MDGA1: variants seen among roughly 807,000 people sequenced by gnomAD.
MDGA1 encodes MAM domain-containing glycosylphosphatidylinositol anchor protein 1.
MDGA1 carries 54 observed loss-of-function variants against 101.5 expected under a neutral mutation model. The observed-to-expected ratio is 0.53, with a 90% CI of 0.43 to 0.67. The LOEUF (loss-of-function observed/expected upper bound fraction) is 0.67, where lower values mean the gene tolerates loss of function less well. MDGA1 is among the 30% of genes least tolerant of loss of function. The probability of loss-of-function intolerance (pLI) is 0.00; values close to 1 mark genes in which losing one functional copy is unlikely to be tolerated. For synonymous variants in MDGA1, 533 were observed against 558.3 expected (o/e 0.95, Z 0.64); for missense variants, 1,083 against 1,323.8 (o/e 0.82, Z 2.82).
chr6:37,658,094 A>C, intron 3 of MDGA1, 151 bp downstream of exon 3: 3 of 820,290 alleles, frequency 3.7e-6, no homozygotes, highest in Non-Finnish European at 3.6e-6. Context: ...AGAGGGTGGT[A>C]CACACCGCCT....
chr6:37,691,289 G>C (rs1238820226), intron 1 of MDGA1, among the ~76,000 whole-genome samples: 1 of 152,134 alleles, frequency 6.6e-6, no homozygotes, highest in Admixed American at 6.5e-5. Flanking sequence ...ATGTTGATCA[G>C]GTCACTAAAA....
In MDGA1 at chr6:37,638,783, G is replaced by A; in HGVS notation, c.2537-116C>T. ...CCTGCAGCCCTGTCCCTGTTGACAGGACCTCCTCCCCATGCCCAGCTGGGT... is the reference window on the plus strand; with the variant it reads ...CCTGCAGCCCTGTCCCTGTTGACAGAACCTCCTCCCCATGCCCAGCTGGGT... On this transcript the variant is annotated intron_variant, in intron 14 of 16. Coordinates refer to ENST00000434837, the MANE Select transcript of MDGA1 (RefSeq NM_153487.4). This position sits in a 1 kb window ranked among gnomAD's most constrained non-coding sequence, Gnocchi z 4.8. 2.2e-6 allele frequency: 3 copies of A among 1,392,466 alleles called. No individual in the cohort carries two copies. In the South Asian group the frequency reaches 4.2e-5, roughly 19 times the overall value. 86.3% of individuals were successfully genotyped at this position (1,392,466 alleles called of 1,614,324 possible).
At chr6:37,693,234 A>T (rs1442789907) in intron 1 of MDGA1, among the ~76,000 whole-genome samples, 2 of 151,932 alleles carry the variant, frequency 1.3e-5, no homozygotes, top group South Asian at 2.1e-4. Context: ...CCAGTGAAAA[A>T]CCTCAAGTGC....
chr6:37,678,344 G>A (rs968358430), intron 1 of MDGA1, among the ~76,000 whole-genome samples: 41 of 152,100 alleles, frequency 2.7e-4, no homozygotes, highest in African/African-American at 8.5e-4. Flanking sequence ...TGCCCCCTGC[G>A]ATGCCACCCT....
chr6:37,671,041 C>T (rs1299578730), intron 1 of MDGA1, among the ~76,000 whole-genome samples: 3 of 152,188 alleles, frequency 2.0e-5, no homozygotes, highest in Non-Finnish European at 4.4e-5. Flanking sequence ...ACCAAGTGTG[C>T]TTCCTTGCCT....
chr6:37,668,833 C>CTCTCTT (rs1378911833), intron 1 of MDGA1, among the ~76,000 whole-genome samples: 1 of 151,860 alleles, frequency 6.6e-6, no homozygotes, highest in Non-Finnish European at 1.5e-5. Flanking sequence ...CTAACTTTTT[C>CTCTCTT]TCTCTTTCTC....
chr6:37,654,547 A>G lies in MDGA1; in HGVS notation c.713-4T>C. 1.9e-6 allele frequency: 3 copies of G among 1,614,018 alleles called. No individual in the cohort carries two copies. The highest frequency in any genetic ancestry group is 2.5e-6 in the Non-Finnish European group (3 of 1,179,886). Reference sequence around the variant, plus strand: ...GACAGCTTCAGGGCTGGTGGTGCTAAGAGGACAAGGAGGGGGGTCTTAGGG... The same window carrying G: ...GACAGCTTCAGGGCTGGTGGTGCTAGGAGGACAAGGAGGGGGGTCTTAGGG... On this transcript the variant is annotated splice_polypyrimidine_tract_variant and splice_region_variant and intron_variant, in intron 5 of 16. Coordinates refer to ENST00000434837, the MANE Select transcript of MDGA1 (RefSeq NM_153487.4).
chr6:37,673,520 T>G lies in MDGA1; in HGVS notation c.68-9414A>C, dbSNP rs563997010. Reference sequence around the variant, plus strand: ...CTGGCCTGCTCCGCCTGGGCCTCCTTCTGCCAGGGATGATGTTCCAAGCCT... The same window carrying G: ...CTGGCCTGCTCCGCCTGGGCCTCCTGCTGCCAGGGATGATGTTCCAAGCCT... On this transcript the variant is annotated intron_variant, in intron 1 of 16. Coordinates refer to ENST00000434837, the MANE Select transcript of MDGA1 (RefSeq NM_153487.4). 9.8e-5 allele frequency among the ~76,000 whole-genome samples: 15 copies of G among 152,348 alleles called. No homozygotes were observed. In the South Asian group the frequency reaches 2.5e-3, roughly 25 times the overall value.
In MDGA1 at chr6:37,696,649, G is replaced by C. The variant is rs1306267452; in HGVS notation, c.67+96C>G. On this transcript the variant is annotated intron_variant, in intron 1 of 16. Coordinates refer to ENST00000434837, the MANE Select transcript of MDGA1 (RefSeq NM_153487.4). This position sits in a 1 kb window ranked among gnomAD's most constrained non-coding sequence, Gnocchi z 5.6. Reference sequence around the variant, plus strand: ...GGGCATCCACTCCAGAGTCCGAGTCGAGGTCTCCACCAAACCCCGGCAGCG... The same window carrying C: ...GGGCATCCACTCCAGAGTCCGAGTCCAGGTCTCCACCAAACCCCGGCAGCG... The C allele has an allele frequency of 2.5e-6, 3 of 1,209,996 alleles. No homozygotes were observed. The highest frequency in any genetic ancestry group is 3.6e-6 in the Non-Finnish European group (3 of 838,808). The allele number at this position is 1,209,996 out of a possible 1,614,324, so 75.0% of individuals were successfully genotyped here. A position where few individuals can be genotyped will look rare whatever the true frequency, so the allele number is the denominator to read the frequency against.
At chr6:37,651,874 TA>T in intron 7 of MDGA1, 136 bp downstream of exon 7, 1 of 720,008 alleles carries the variant, frequency 1.4e-6, no homozygotes, top group Non-Finnish European at 2.2e-6. Context: ...AGGGACTCAA[TA>T]AAAGCACGTG....
chr6:37,692,112 A>G (rs896507950), intron 1 of MDGA1, among the ~76,000 whole-genome samples: 3 of 152,170 alleles, frequency 2.0e-5, no homozygotes, highest in South Asian at 2.1e-4. Flanking sequence ...AGGAATGAGC[A>G]TAACTCATCC....
chr6:37,648,568 T>G, intron 9 of MDGA1: 1 of 219,530 alleles, frequency 4.6e-6, no homozygotes, highest in Non-Finnish European at 9.0e-6. Flanking sequence ...CTGGTTTGGG[T>G]GCTGGTAGAG....
chr6:37,679,605 G>A (rs1358080871), intron 1 of MDGA1, among the ~76,000 whole-genome samples: 1 of 152,142 alleles, frequency 6.6e-6, no homozygotes, highest in African/African-American at 2.4e-5. Flanking sequence ...AGCCTCCCAT[G>A]CCGCCTCCCT....
chr6:37,658,704 G>A (rs1295996710), intron 2 of MDGA1, among the ~76,000 whole-genome samples: 5 of 152,194 alleles, frequency 3.3e-5, no homozygotes, highest in African/African-American at 1.2e-4. Flanking sequence ...GGGCACGGTG[G>A]CTCACGCCAC....
intron 2 of MDGA1, among the ~76,000 whole-genome samples, chr6:37,662,754 T>G (rs114253608): frequency 0.018 from 2,674 of 152,018 alleles, 70 homozygotes; most frequent in African/African-American, 0.059. Flanking sequence ...AAACCACTGA[T>G]GGAAATAGAA....
intron 1 of MDGA1, among the ~76,000 whole-genome samples, chr6:37,687,495 G>T (rs1281212874): frequency 2.0e-5 from 3 of 151,952 alleles, no homozygotes; most frequent in Non-Finnish European, 4.4e-5. Context: ...CCTGAGCCCA[G>T]GAGATCGAGG....
intron 1 of MDGA1, among the ~76,000 whole-genome samples, chr6:37,679,260 T>C (rs924043510): frequency 6.6e-6 from 1 of 151,948 alleles, no homozygotes; most frequent in African/African-American, 2.4e-5. Context: ...GACTCAGGGA[T>C]GGAGAAGGAC....
rs1291832369 is a variant in MDGA1, at chr6:37,697,159, CGGCGGCGGA to C, written c.-357_-349del. 3 of 222,804 alleles carry C rather than the reference CGGCGGCGGA, an allele frequency of 1.3e-5. No homozygotes were observed. Among genetic ancestry groups the C allele is most frequent in the Non-Finnish European group, 2.6e-5 (3 of 115,904 alleles). 13.8% of individuals were successfully genotyped at this position (222,804 alleles called of 1,614,324 possible). ...GGGATGCTAGGCGCCGGGGACCTCT[CGGCGGCGGA>C]GGCGGCGCTTCGATCCAACAGGCCA... is the stretch of plus-strand genomic sequence containing the variant. On this transcript the variant is annotated 5_prime_UTR_variant, in exon 1 of 17. Coordinates refer to ENST00000434837, the MANE Select transcript of MDGA1 (RefSeq NM_153487.4).
rs369367956 is a variant in MDGA1, at chr6:37,654,755, G to A, written c.712+45C>T. ...GTGGGGCACTATCTCCTGGTTGGGA[G>A]TTAGCTCAGGTAGGGAAGGAGTATG... On this transcript the variant is annotated intron_variant, in intron 5 of 16. Transcript: ENST00000434837. 1.2e-5 allele frequency: 20 copies of A among 1,610,700 alleles called. No homozygotes were observed. The African/African-American group carries it at 2.4e-4, about 19-fold the overall frequency.
Sources: allele counts gnomAD v4.1 joint callset (sites outside exome capture counted in the v4.1 genomes callset), GRCh38; gene constraint gnomAD v4.1.1; non-coding constraint Gnocchi (gnomAD v3.1); transcripts MANE v1.5; gene names NCBI Gene and HGNC (gene_info 2026-07-23, HGNC 2026-07-21).